BMPER: variants seen among roughly 807,000 people sequenced by gnomAD.
The protein encoded by BMPER is BMP-binding endothelial regulator protein.
BMPER carries 45 observed loss-of-function variants against 87.3 expected under a neutral mutation model. The observed-to-expected ratio is 0.52, with a 90% confidence interval of 0.41 to 0.66. The LOEUF (loss-of-function observed/expected upper bound fraction) is 0.66, where lower values mean the gene tolerates loss of function less well. Ranked by LOEUF, BMPER falls within the 30% of genes least tolerant of loss-of-function variation. BMPER has a pLI of 0.00. For synonymous variants in BMPER, 326 were observed against 316.2 expected, an observed-to-expected ratio of 1.03 and a Z score of -0.33; for missense variants, 784 against 867.5, an observed-to-expected ratio of 0.90 and a Z score of 1.21.
chr7:33,990,540 A>G (rs1449640414), intron 6 of BMPER, among the ~76,000 whole-genome samples: 24 of 150,410 alleles, frequency 1.6e-4, no homozygotes, highest in African/African-American at 5.1e-4. Context: ...TTTTCTAGAT[A>G]TACAATCATG....
At chr7:34,051,717 T>C in intron 7 of BMPER, 144 bp from the exon 8 acceptor site, 1 of 729,424 alleles carries the variant, frequency 1.4e-6, no homozygotes, top group Non-Finnish European at 2.5e-6. Context: ...CCTTTAGGCA[T>C]GTCTGACCCA....
chr7:33,990,142 AT>A (rs781426544), intron 6 of BMPER, among the ~76,000 whole-genome samples: 17,559 of 148,938 alleles, frequency 0.12, 1,395 homozygotes, highest in Admixed American at 0.22. Context: ...GTTTTTTCCA[AT>A]TCTGTGAAGA....
chr7:33,935,705 C>T (rs989921415), intron 2 of BMPER, among the ~76,000 whole-genome samples: 1 of 152,162 alleles, frequency 6.6e-6, no homozygotes, highest in African/African-American at 2.4e-5. Flanking sequence ...ACAGCAGCAG[C>T]AGCCCCTGCA....
At chr7:34,002,278 T>G (rs1277276312) in intron 6 of BMPER, among the ~76,000 whole-genome samples, 1 of 151,812 alleles carries the variant, frequency 6.6e-6, no homozygotes, top group Non-Finnish European at 1.5e-5. Context: ...ACAATCATTC[T>G]GTTTTTTACT....
Position 34,036,412 on chromosome 7 carries a change from A to G in BMPER, c.577-9894A>G, listed in dbSNP as rs181566157. Among the ~76,000 whole-genome samples the G allele has an allele frequency of 2.2e-4, 34 of 152,182 alleles. No individual in the cohort carries two copies. In the East Asian group the frequency reaches 6.4e-3, roughly 29 times the overall value. On this transcript the variant is annotated intron_variant, in intron 6 of 14. Transcript: ENST00000649409. ...CTCCTGTGGATTTACTTGTTTATTTATTGATCGTTTCAGAGAGGGAACACC... is the reference window on the plus strand; with the variant it reads ...CTCCTGTGGATTTACTTGTTTATTTGTTGATCGTTTCAGAGAGGGAACACC...
chr7:34,122,253 G>C lies in BMPER; in HGVS notation c.1746-20977G>C, dbSNP rs186142420. Among the ~76,000 whole-genome samples the C allele has an allele frequency of 1.4e-4, 22 of 152,272 alleles. No individual in the cohort carries two copies. In the East Asian group the frequency reaches 3.3e-3, roughly 23 times the overall value. On this transcript the variant is annotated intron_variant, in intron 13 of 14. Coordinates refer to ENST00000649409, the MANE Select transcript of BMPER (RefSeq NM_001365308.1). ...TCTGCTTGAATAGGTCTGGAATGGA[G>C]CCCAACAATTTGCATTTTCACCTAG... is the stretch of plus-strand genomic sequence containing the variant.
At chr7:33,912,878 A>T (rs1187039599) in intron 2 of BMPER, among the ~76,000 whole-genome samples, 1 of 152,206 alleles carries the variant, frequency 6.6e-6, no homozygotes, top group Non-Finnish European at 1.5e-5. Context: ...TATAAATTCA[A>T]TAATATTATT....
At chr7:33,977,693 A>G (rs931169353) in intron 6 of BMPER, among the ~76,000 whole-genome samples, 1 of 152,226 alleles carries the variant, frequency 6.6e-6, no homozygotes, top group Non-Finnish European at 1.5e-5. Flanking sequence ...TTGAGCATGT[A>G]TATAGTATTT....
chr7:33,937,511 A>AGG lies in BMPER; in HGVS notation c.319+125_319+126dup, dbSNP rs1784634670. 3 of 689,392 alleles carry AGG rather than the reference A, an allele frequency of 4.4e-6. No individual in the cohort carries two copies. The South Asian group carries it at 4.6e-5, about 11-fold the overall frequency. The allele number at this position is 689,392 out of a possible 1,614,324, so 42.7% of individuals were successfully genotyped here. A position where few individuals can be genotyped will look rare whatever the true frequency, so the allele number is the denominator to read the frequency against. ...GTGCACATGGGTGGGGAGGAGAAGT[A>AGG]GGGTGTGTGTGTGTGTGTGTGTGTG... On this transcript the variant is annotated intron_variant, in intron 3 of 14. Transcript: ENST00000649409.
At chr7:34,133,553 A>G (rs537182496) in intron 13 of BMPER, among the ~76,000 whole-genome samples, 1 of 152,266 alleles carries the variant, frequency 6.6e-6, no homozygotes, top group African/African-American at 2.4e-5. Context: ...TGTTTCCCTG[A>G]GTCCTGTGAG....
At chr7:34,047,377 C>A (rs1463586105) in intron 7 of BMPER, among the ~76,000 whole-genome samples, 1 of 152,044 alleles carries the variant, frequency 6.6e-6, no homozygotes, top group East Asian at 1.9e-4. Context: ...CTCCTGGGTT[C>A]AAGTGATTCT....
chr7:34,153,527 T>A lies in BMPER; in HGVS notation c.*254T>A, dbSNP rs976936732. 1.3e-4 allele frequency: 58 copies of A among 450,878 alleles called. No homozygotes were observed. The highest frequency in any genetic ancestry group is 2.0e-4 in the Non-Finnish European group (50 of 249,176). 27.9% of individuals were successfully genotyped at this position (450,878 alleles called of 1,614,324 possible). A position where few individuals can be genotyped will look rare whatever the true frequency, so the allele number is the denominator to read the frequency against. Reference sequence around the variant, plus strand: ...ATCCTAACCTGTAAGCCATTGAACATGTTGTATAAATACACCAGGTGTTTT... The same window carrying A: ...ATCCTAACCTGTAAGCCATTGAACAAGTTGTATAAATACACCAGGTGTTTT... On this transcript the variant is annotated 3_prime_UTR_variant, in exon 15 of 15. Coordinates refer to ENST00000649409, the MANE Select transcript of BMPER (RefSeq NM_001365308.1).
Position 34,053,724 on chromosome 7 carries a change from A to G in BMPER, c.787-1439A>G, listed in dbSNP as rs190931105. On this transcript the variant is annotated intron_variant, in intron 8 of 14. Transcript: ENST00000649409. ...CATCTTCTTTACATTGAGTAAGCCG[A>G]AGAGGAGGAGGGGTTGGTCTTGTCT... Among the ~76,000 whole-genome samples, 49 of 152,302 alleles carry G rather than the reference A, an allele frequency of 3.2e-4. No homozygotes were observed. The East Asian group carries it at 9.4e-3, about 29-fold the overall frequency.
intron 6 of BMPER, among the ~76,000 whole-genome samples, chr7:34,005,524 T>C (rs766323163): frequency 2.6e-5 from 4 of 152,016 alleles, no homozygotes; most frequent in Non-Finnish European, 4.4e-5. Context: ...CATAGCTCAA[T>C]GCAGCCTTGA....
At chr7:34,019,338 G>A (rs760064870) in intron 6 of BMPER, among the ~76,000 whole-genome samples, 2 of 152,002 alleles carry the variant, frequency 1.3e-5, no homozygotes, top group East Asian at 1.9e-4. Flanking sequence ...CCATTCTCTC[G>A]TCAGAGGGCC....
rs1236091980 is a variant in BMPER, at chr7:33,993,568, C to T, written c.576+18784C>T. On this transcript the variant is annotated intron_variant, in intron 6 of 14. Coordinates refer to ENST00000649409, the MANE Select transcript of BMPER (RefSeq NM_001365308.1). The stretch of plus-strand genomic sequence containing the variant: ...ACTTCTTTGCCTTTGGTTTGAATGT[C>T]CTCCCGTAGCTCAGAGTAATTTGAT... Among the ~76,000 whole-genome samples, 12 of 151,960 alleles carry T rather than the reference C, an allele frequency of 7.9e-5. 1 individual carries two copies. In the East Asian group the frequency reaches 2.3e-3, roughly 30 times the overall value.
At chr7:34,040,799 G>T (rs1219595636) in intron 6 of BMPER, among the ~76,000 whole-genome samples, 1 of 152,084 alleles carries the variant, frequency 6.6e-6, no homozygotes, top group Admixed American at 6.6e-5. Flanking sequence ...TCCATATTAG[G>T]GGCATCTTGT....
intron 2 of BMPER, among the ~76,000 whole-genome samples, chr7:33,909,195 A>T (rs1280149274): frequency 2.0e-5 from 3 of 152,120 alleles, no homozygotes; most frequent in African/African-American, 7.2e-5. Context: ...TATTTTACAG[A>T]TGAGGAAACT....
At chr7:34,039,467 T>C (rs945242209) in intron 6 of BMPER, among the ~76,000 whole-genome samples, 2 of 152,140 alleles carry the variant, frequency 1.3e-5, no homozygotes, top group African/African-American at 4.8e-5. Context: ...CACTGCCATC[T>C]AGCAGGTAGA....
Sources: gnomAD v4.1 joint callset for allele counts (sites outside exome capture counted in the v4.1 genomes callset) on GRCh38, gnomAD v4.1.1 for gene constraint, MANE v1.5 for transcripts, NCBI Gene and HGNC (gene_info 2026-07-23, HGNC 2026-07-21) for gene names.